The following NEB variants were observed in gnomAD, a reference collection of about 807,000 sequenced individuals.
NEB encodes nemaline myopathy type 2.
In NEB, 512 loss-of-function variants were observed where a neutral mutation model predicts 952.2. The ratio of observed to expected loss-of-function variants is 0.54; its 90% CI spans 0.50 to 0.58. NEB has a LOEUF of 0.58. Among genes scored for constraint, NEB ranks in the 20% least tolerant of loss-of-function variants. NEB has a pLI of 0.00. For synonymous variants in NEB, 2,900 were observed against 3,149.8 expected, an observed-to-expected ratio of 0.92 and a Z score of 2.66; for missense variants, 8,428 against 9,231.1, an observed-to-expected ratio of 0.91 and a Z score of 3.56.
In NEB at chr2:151,535,781, T is replaced by G. The variant is rs774812050; in HGVS notation, c.21222A>C (p.Glu7074Asp). Residue 7074 changes from glutamate (E) to aspartate (D), a missense_variant, in exon 142 of 182, where the codon GAA becomes GAC. By Grantham distance (45) the Glu-to-Asp change is conservative (BLOSUM62 2). Coordinates refer to ENST00000397345, the MANE Select transcript of NEB (RefSeq NM_001164508.2). ...KTLYSKYKYK[E>D]VFERTKSDFK... ...AATCTGACTTTGTCCTTTCAAATACTTCTTTATACTTATACTAGAAAAAAC... is the reference window on the plus strand; with the variant it reads ...AATCTGACTTTGTCCTTTCAAATACGTCTTTATACTTATACTAGAAAAAAC... 1 of 1,586,950 alleles carries G rather than the reference T, an allele frequency of 6.3e-7. No individual in the cohort carries two copies. The highest frequency in any genetic ancestry group is 1.7e-5 in the Admixed American group (1 of 57,472).
rs76255773 is a variant in NEB at position 151,629,922 on chromosome 2, G to A, written c.9724-276C>T. On this transcript the variant is annotated intron_variant, in intron 67 of 181. Coordinates refer to ENST00000397345, the MANE Select transcript of NEB (RefSeq NM_001164508.2). ...TATGCTATACATAGATCAATATGATGTACATATCAGCATAGATCAATACAA... is the reference window on the plus strand; with the variant it reads ...TATGCTATACATAGATCAATATGATATACATATCAGCATAGATCAATACAA... 8.9e-3 allele frequency among the ~76,000 whole-genome samples: 1,344 copies of A among 151,692 alleles called. 12 individuals are homozygous for A. Among genetic ancestry groups the A allele is most frequent in the East Asian group, 0.053 (273 of 5,164 alleles).
At chr2:151,616,248 T>C (rs1345626693) in intron 75 of NEB, 139 bp from the exon 76 acceptor site, 11 of 600,770 alleles carry the variant, frequency 1.8e-5, no homozygotes, top group Admixed American at 3.1e-5. Flanking sequence ...TAGATAGCTT[T>C]GCCTCATGGG....
chr2:151,640,217 T>G, intron 61 of NEB, 138 bp downstream of exon 61: 4 of 1,473,220 alleles, frequency 2.7e-6, no homozygotes, highest in Non-Finnish European at 3.7e-6. Context: ...GGTTAAAGGA[T>G]TAAAATTCCT....
intron 29 of NEB, among the ~76,000 whole-genome samples, chr2:151,681,952 T>C (rs2099416980): frequency 6.6e-6 from 1 of 152,148 alleles, no homozygotes; most frequent in Non-Finnish European, 1.5e-5. Context: ...GAAGCAATAA[T>C]AACAATGTGG....
At chr2:151,548,278 A>G (rs182633534) in intron 131 of NEB, 30 bp downstream of exon 131, 23 of 1,525,278 alleles carry the variant, frequency 1.5e-5, no homozygotes, top group Non-Finnish European at 2.0e-5. Flanking sequence ...GAAACTCAAT[A>G]TGTCTCTTGG....
At position 151,631,171 on chromosome 2, in the gene NEB, G is replaced by A. The variant is rs778131603; in HGVS notation, c.9590C>T (p.Ala3197Val). The A allele has an allele frequency of 1.9e-6, 3 of 1,613,896 alleles. No individual in the cohort carries two copies. ...ATTCATGTTGAGAGCATTGTTCTTGGCCAGCACCTGCTCTAGAGAATCAGT... is the reference window on the plus strand; with the variant it reads ...ATTCATGTTGAGAGCATTGTTCTTGACCAGCACCTGCTCTAGAGAATCAGT... ...SVTDSLEQVL[A>V]KNNALNMNKR... Residue 3197 changes from alanine (A) to valine (V), a missense_variant, in exon 66 of 182, where the codon GCC becomes GTC. Around this residue, in one of 11 missense-constraint regions of NEB, gnomAD observed 1,772 missense variants for 1,960.3 expected, o/e 0.90. Transcript: ENST00000397345.
chr2:151,518,354 C>T lies in NEB; in HGVS notation c.22764G>A (p.Gln7588=). 1 of 1,611,832 alleles carries T rather than the reference C, an allele frequency of 6.2e-7. No individual in the cohort carries two copies. Among genetic ancestry groups the T allele is most frequent in the Non-Finnish European group, 8.5e-7 (1 of 1,177,986 alleles). The change falls in exon 156 of 182, where the codon CAG becomes CAA. Residue 7588 remains glutamine (Q), a synonymous_variant. Coordinates refer to ENST00000397345, the MANE Select transcript of NEB (RefSeq NM_001164508.2). ...ATTCTGTGGCCTCTTTTAGGTGAAGCTGCTCCAGATTATCGGGTATGGTGT... is the reference window on the plus strand; with the variant it reads ...ATTCTGTGGCCTCTTTTAGGTGAAGTTGCTCCAGATTATCGGGTATGGTGT... ...HYHTIPDNLE[Q]LHLKEATELQ... is the part of the protein sequence containing the mutation.
chr2:151,520,596 G>A lies in NEB; in HGVS notation c.22480-828C>T, dbSNP rs371428101. 1.1e-3 allele frequency among the ~76,000 whole-genome samples: 162 copies of A among 152,186 alleles called. 8 individuals carry two copies. The South Asian group carries it at 0.031, about 29-fold the overall frequency. On this transcript the variant is annotated intron_variant, in intron 153 of 181. Transcript: ENST00000397345. ...AAAGAGGATGATAGCCAGGTGTGGT[G>A]GCTCATGCCTGTAATCTCAGCACTT...
intron 135 of NEB, among the ~76,000 whole-genome samples, chr2:151,544,938 A>T (rs1259039840): frequency 6.6e-6 from 1 of 152,238 alleles, no homozygotes; most frequent in Non-Finnish European, 1.5e-5. Context: ...CTATAAGAAG[A>T]GCAACCATTT....
rs1219424825 is a variant in NEB, at chr2:151,727,895, T to G, written c.90A>C (p.Lys30Asn). The G allele has an allele frequency of 6.2e-7, 1 of 1,613,018 alleles. No individual in the cohort carries two copies. Among genetic ancestry groups the G allele is most frequent in the Non-Finnish European group, 8.5e-7 (1 of 1,179,490 alleles). ...YEEVPGETIT[K>N]IYETTTTRTS... ...TCCTTGTTGTCGTAGTCTCATAAAT[T>G]TTTGTTATTGTCTGAAAATTTGATA... The change falls in exon 5 of 182, where the codon AAA becomes AAC. Residue 30 changes from lysine to asparagine, a missense_variant. Around this residue, in one of 11 missense-constraint regions of NEB, gnomAD observed 2,851 missense variants for 2,791.5 expected, o/e 1.02. Coordinates refer to ENST00000397345, the MANE Select transcript of NEB (RefSeq NM_001164508.2).
chr2:151,535,888 T>G, intron 141 of NEB, 93 bp from the exon 142 acceptor site: 1 of 690,996 alleles, frequency 1.4e-6, no homozygotes, highest in South Asian at 2.0e-5. Context: ...TTGTGATAAT[T>G]AATTCATAGA....
intron 160 of NEB, 24 bp from the exon 161 acceptor site, chr2:151,512,861 G>A (rs758317723): frequency 1.4e-5 from 21 of 1,522,470 alleles, no homozygotes; most frequent in Non-Finnish European, 1.9e-5. Flanking sequence ...CCGAATAGTT[G>A]GGTAAATGTT....
Position 151,629,534 on chromosome 2 carries a change from C to T in NEB, c.9831+5G>A. The T allele has an allele frequency of 6.2e-7, 1 of 1,605,044 alleles. No individual in the cohort carries two copies. The highest frequency in any genetic ancestry group is 8.5e-7 in the Non-Finnish European group (1 of 1,171,904). On this transcript the variant is annotated splice_donor_5th_base_variant and intron_variant, in intron 68 of 181. Coordinates refer to ENST00000397345, the MANE Select transcript of NEB (RefSeq NM_001164508.2). ...CATGTAAATATCTAGGGTGTTGCTA[C>T]TCACATCACTGATAACGTCCCTGGA...
Position 151,667,176 on chromosome 2 carries a change from A to AT in NEB, c.4719+627dup, listed in dbSNP as rs561382896. On this transcript the variant is annotated intron_variant, in intron 40 of 181. Coordinates refer to ENST00000397345, the MANE Select transcript of NEB (RefSeq NM_001164508.2). ...GTTTTCCATATTTCTATTTCCATGG[A>AT]TTTTTTTTCTTCATGGAAATTATAA... Among the ~76,000 whole-genome samples the AT allele has an allele frequency of 2.6e-3, 392 of 150,202 alleles. 2 individuals carry two copies. Among genetic ancestry groups the AT allele is most frequent in the African/African-American group, 9.1e-3 (371 of 40,948 alleles).
intron 71 of NEB, among the ~76,000 whole-genome samples, chr2:151,624,340 T>C (rs1041564853): frequency 1.3e-5 from 2 of 151,928 alleles, no homozygotes; most frequent in Non-Finnish European, 2.9e-5. Flanking sequence ...GAAAAAAAAA[T>C]CTACTTCAGT....
Position 151,733,180 on chromosome 2 carries a change from T to G in NEB, c.-24A>C. On this transcript the variant is annotated 5_prime_UTR_variant, in exon 3 of 182. Coordinates refer to ENST00000397345, the MANE Select transcript of NEB (RefSeq NM_001164508.2). ...ATTTTTCCAGAGTAGTAGTGGCACC[T>G]ACAAACTTTTCATATTCCATACAAA... 6.3e-7 allele frequency: 1 copy of G among 1,596,906 alleles called. No homozygotes were observed. The highest frequency in any genetic ancestry group is 8.5e-7 in the Non-Finnish European group (1 of 1,171,200).
In NEB at chr2:151,564,329, A is replaced by AT. The variant is rs371711395; in HGVS notation, c.18472-400dup. On this transcript the variant is annotated intron_variant, in intron 117 of 181. Transcript: ENST00000397345. Reference sequence around the variant, plus strand: ...ACCACTATGCCTGGCTAATTTTTGTATTTTTAGTAGAGATGGGGTTTCACC... The same window carrying AT: ...ACCACTATGCCTGGCTAATTTTTGTATTTTTTAGTAGAGATGGGGTTTCACC... 2.6e-3 allele frequency among the ~76,000 whole-genome samples: 395 copies of AT among 151,894 alleles called. 3 individuals are homozygous for AT. Among genetic ancestry groups the AT allele is most frequent in the African/African-American group, 8.9e-3 (369 of 41,430 alleles).
At chr2:151,623,006 A>C (rs577792311) in intron 71 of NEB, among the ~76,000 whole-genome samples, 43 of 152,184 alleles carry the variant, frequency 2.8e-4, no homozygotes, top group Non-Finnish European at 5.9e-4. Context: ...TCTTGGGCAG[A>C]TAATTTAGAA....
Position 151,540,677 on chromosome 2 carries a change from G to A in NEB, c.20787+20C>T. ...ATTTTTCTTTTTACCCAGTGCCTCA[G>A]TGCTGAATTCCCATCTTACCTCACT... On this transcript the variant is annotated intron_variant, in intron 137 of 181. Transcript: ENST00000397345. 1 of 1,599,572 alleles carries A rather than the reference G, an allele frequency of 6.3e-7. No individual in the cohort carries two copies. Among genetic ancestry groups the A allele is most frequent in the Admixed American group, 1.7e-5 (1 of 59,980 alleles).
Sources: gnomAD v4.1 joint callset for allele counts (sites outside exome capture counted in the v4.1 genomes callset) on GRCh38, gnomAD v4.1.1 for gene constraint, gnomAD v4.1.1 regional missense constraint, MANE v1.5 for transcripts, NCBI Gene and HGNC (gene_info 2026-07-23, HGNC 2026-07-21) for gene names.